Variants in AP2B1 observed in about 807,000 individuals in gnomAD.
The protein encoded by AP2B1 is adaptor related protein complex 2 subunit beta 1, also known as AP-2 complex subunit beta.
AP2B1 carries 23 observed loss-of-function variants against 102.0 expected under a neutral mutation model. The ratio of observed to expected loss-of-function variants is 0.23; its 90% CI spans 0.16 to 0.32. The LOEUF (loss-of-function observed/expected upper bound fraction) is 0.32, where lower values mean the gene tolerates loss of function less well. Among genes scored for constraint, AP2B1 ranks in the 10% least tolerant of loss-of-function variants. AP2B1 has a pLI of 1.00. For synonymous variants in AP2B1, 381 were observed against 421.2 expected (o/e 0.90, Z 1.17); for missense variants, 541 against 1,157.4 (o/e 0.47, Z 7.73).
intron 5 of AP2B1, among the ~76,000 whole-genome samples, chr17:35,610,046 G>A (rs1042525690): frequency 8.5e-5 from 13 of 152,170 alleles, no homozygotes; most frequent in African/African-American, 2.9e-4. Flanking sequence ...AAGTGCAGAT[G>A]CTTTAACCAT....
chr17:35,616,354 G>T (rs2074019953), intron 5 of AP2B1, among the ~76,000 whole-genome samples: 1 of 151,534 alleles, frequency 6.6e-6, no homozygotes, highest in Admixed American at 6.6e-5. Context: ...TTTTAGTAGA[G>T]ACGGGGGGTT....
At chr17:35,680,155 G>T (rs1387579807) in intron 17 of AP2B1, among the ~76,000 whole-genome samples, 1 of 152,032 alleles carries the variant, frequency 6.6e-6, no homozygotes, top group Non-Finnish European at 1.5e-5. Context: ...TGATCCACCA[G>T]CCTCGGCCTC....
At chr17:35,709,372 G>A in intron 19 of AP2B1, 64 bp downstream of exon 19, 2 of 1,380,160 alleles carry the variant, frequency 1.4e-6, no homozygotes, top group Middle Eastern at 1.8e-4. Flanking sequence ...GTCAGGCAGA[G>A]CATAGCCCCA....
At chr17:35,720,714 A>C (rs903748005) in intron 21 of AP2B1, among the ~76,000 whole-genome samples, 8 of 149,624 alleles carry the variant, frequency 5.3e-5, no homozygotes, top group African/African-American at 2.0e-4. Flanking sequence ...GAGCCACTGC[A>C]CCTGGCCCAC....
At chr17:35,703,645 CAA>C (rs1044557554) in intron 18 of AP2B1, among the ~76,000 whole-genome samples, 3 of 151,964 alleles carry the variant, frequency 2.0e-5, no homozygotes, top group African/African-American at 7.3e-5. Flanking sequence ...CACATGGACA[CAA>C]AGAGGGGAAT....
chr17:35,647,236 G>C (rs1409814491), intron 12 of AP2B1, among the ~76,000 whole-genome samples: 6 of 152,134 alleles, frequency 3.9e-5, no homozygotes, highest in Non-Finnish European at 8.8e-5. Flanking sequence ...TCCCTGACCT[G>C]ATATTTTGAG....
chr17:35,646,118 T>C (rs1245812816), intron 12 of AP2B1, among the ~76,000 whole-genome samples: 1 of 152,244 alleles, frequency 6.6e-6, no homozygotes, highest in Non-Finnish European at 1.5e-5. Context: ...AGTTTAAGAA[T>C]TACTGTTTTA....
chr17:35,651,860 T>C (rs1567905695), intron 13 of AP2B1, among the ~76,000 whole-genome samples: 1 of 152,032 alleles, frequency 6.6e-6, no homozygotes, highest in Non-Finnish European at 1.5e-5. Context: ...AGGGTGTTTC[T>C]CCTTGTAGGC....
chr17:35,641,809 T>C (rs1371140445), intron 11 of AP2B1, 68 bp from the exon 12 acceptor site: 5 of 1,219,502 alleles, frequency 4.1e-6, no homozygotes, highest in Non-Finnish European at 5.9e-6. Context: ...AAACACCACT[T>C]TGGAGATGAT....
chr17:35,590,197 C>T (rs1481243245), intron 1 of AP2B1, among the ~76,000 whole-genome samples: 1 of 152,160 alleles, frequency 6.6e-6, no homozygotes, highest in Non-Finnish European at 1.5e-5. Context: ...GGATTACAGG[C>T]GTGAGCCACC....
intron 1 of AP2B1, among the ~76,000 whole-genome samples, chr17:35,591,987 G>A (rs901345353): frequency 2.6e-5 from 4 of 152,118 alleles, no homozygotes; most frequent in African/African-American, 9.7e-5. Flanking sequence ...GAGCTATTAG[G>A]ATCAAGACTA....
chr17:35,598,506 T>C (rs1016957843), intron 3 of AP2B1, among the ~76,000 whole-genome samples, 171 bp downstream of exon 3: 1 of 151,886 alleles, frequency 6.6e-6, no homozygotes, highest in African/African-American at 2.4e-5. Context: ...TGCTCTACTT[T>C]TTGTTTGTTT....
intron 18 of AP2B1, among the ~76,000 whole-genome samples, chr17:35,693,050 T>G (rs587760895): frequency 5.9e-5 from 9 of 152,220 alleles, no homozygotes; most frequent in Non-Finnish European, 1.2e-4. Context: ...AGTCTCACTC[T>G]GTTGTTGCCC....
At chr17:35,648,846 G>A (rs796389639) in intron 12 of AP2B1, among the ~76,000 whole-genome samples, 1 of 151,758 alleles carries the variant, frequency 6.6e-6, no homozygotes, top group East Asian at 1.9e-4. Flanking sequence ...AGATGGAGAA[G>A]GGTTGGATAA....
At chr17:35,609,548 C>G (rs138114070) in intron 5 of AP2B1, among the ~76,000 whole-genome samples, 2 of 152,034 alleles carry the variant, frequency 1.3e-5, no homozygotes, top group African/African-American at 4.8e-5. Context: ...GGGGCTTCAC[C>G]GTGTTAGCCA....
At chr17:35,644,058 C>A (rs2142761587) in intron 12 of AP2B1, among the ~76,000 whole-genome samples, 1 of 152,290 alleles carries the variant, frequency 6.6e-6, no homozygotes, top group South Asian at 2.1e-4. Flanking sequence ...CTTCCTAGAA[C>A]AGGACAGGCT....
At chr17:35,619,766 A>AT (rs1348017013) in intron 5 of AP2B1, among the ~76,000 whole-genome samples, 3 of 151,978 alleles carry the variant, frequency 2.0e-5, no homozygotes, top group East Asian at 1.9e-4. Flanking sequence ...TGAATAAAGG[A>AT]TTTTTTTTAG....
At chr17:35,697,913 TC>T (rs1283897526) in intron 18 of AP2B1, among the ~76,000 whole-genome samples, 3 of 151,904 alleles carry the variant, frequency 2.0e-5, no homozygotes, top group Non-Finnish European at 4.4e-5. Context: ...TGAGCTGAGA[TC>T]CCACCACTGC....
rs779752625 is a variant in AP2B1, at chr17:35,608,228, C to G, written c.366C>G (p.Leu122=). 6.2e-6 allele frequency: 10 copies of G among 1,614,146 alleles called. No individual in the cohort carries two copies. The highest frequency in any genetic ancestry group is 2.5e-6 in the Non-Finnish European group (3 of 1,180,040). Residue 122 remains leucine, a synonymous_variant, in exon 5 of 22, where the codon CTC becomes CTG. Coordinates refer to ENST00000610402, the MANE Select transcript of AP2B1 (RefSeq NM_001030006.2). ...GGGTAGACAAAATTACAGAATATCTCTGTGAGCCGCTCCGCAAGTGCTTGA... is the reference window on the plus strand; with the variant it reads ...GGGTAGACAAAATTACAGAATATCTGTGTGAGCCGCTCCGCAAGTGCTTGA... The part of the protein sequence containing the change: ...CIRVDKITEY[L]CEPLRKCLKD...
Sources: allele counts gnomAD v4.1 joint callset (sites outside exome capture counted in the v4.1 genomes callset), GRCh38; gene constraint gnomAD v4.1.1; transcripts MANE v1.5; gene names NCBI Gene and HGNC (gene_info 2026-07-23, HGNC 2026-07-21).